Variants in TPO observed in about 807,000 individuals in gnomAD.
The protein encoded by TPO is thyroid peroxidase.
TPO carries 78 observed loss-of-function variants against 96.9 expected under a neutral mutation model. The ratio of observed to expected loss-of-function variants is 0.81; its 90% CI spans 0.67 to 0.97. The LOEUF is 0.97. Among genes scored for constraint, TPO ranks in the 50% least tolerant of loss-of-function variants. The pLI, the probability that TPO is intolerant of heterozygous loss-of-function variation, is 0.00. For synonymous variants in TPO, 547 were observed against 538.0 expected (o/e 1.02, Z -0.23); for missense variants, 1,252 against 1,274.8 (o/e 0.98, Z 0.27).
chr2:1,425,701 G>A (rs778311283), intron 3 of TPO, among the ~76,000 whole-genome samples: 11 of 151,948 alleles, frequency 7.2e-5, no homozygotes, highest in African/African-American at 2.7e-4. Flanking sequence ...ACAGAGATGA[G>A]TTATATCATT....
chr2:1,379,018 T>C (rs896750409), intron 1 of TPO, among the ~76,000 whole-genome samples: 1 of 152,044 alleles, frequency 6.6e-6, no homozygotes, highest in African/African-American at 2.4e-5. Context: ...CAAATAAACT[T>C]AGATTTGTTT....
chr2:1,440,372 G>T (rs1666046916), intron 5 of TPO, among the ~76,000 whole-genome samples: 1 of 138,960 alleles, frequency 7.2e-6, no homozygotes, highest in Non-Finnish European at 1.5e-5. Context: ...GGATGGCAGG[G>T]TTTCTAAGGC....
At chr2:1,527,709 C>T (rs1442630724) in intron 15 of TPO, among the ~76,000 whole-genome samples, 1 of 145,376 alleles carries the variant, frequency 6.9e-6, no homozygotes, top group African/African-American at 2.6e-5. Context: ...CACACAAAAT[C>T]CCGCCACTGT....
chr2:1,503,637 G>A, intron 13 of TPO: 2 of 507,018 alleles, frequency 3.9e-6, no homozygotes, highest in South Asian at 3.6e-5. Flanking sequence ...TCCTGCACTT[G>A]GCCAAATTCC....
intron 3 of TPO, among the ~76,000 whole-genome samples, chr2:1,430,795 G>A (rs766366280): frequency 3.9e-4 from 58 of 150,444 alleles, no homozygotes; most frequent in Non-Finnish European, 7.3e-4. Context: ...CTGGTGTGGG[G>A]CCTATCAAGC....
chr2:1,467,801 T>C (rs1215530079), intron 7 of TPO, among the ~76,000 whole-genome samples: 1 of 151,690 alleles, frequency 6.6e-6, no homozygotes, highest in Non-Finnish European at 1.5e-5. Flanking sequence ...AGTCCCCCAC[T>C]ATTACTGTGT....
intron 2 of TPO, among the ~76,000 whole-genome samples, chr2:1,421,550 G>A (rs1339550995): frequency 6.6e-6 from 1 of 152,180 alleles, no homozygotes; most frequent in African/African-American, 2.4e-5. Context: ...TGGGGGGCGG[G>A]GCTGGTTACT....
At chr2:1,429,434 C>T (rs4927575) in intron 3 of TPO, among the ~76,000 whole-genome samples, 81,264 of 152,040 alleles carry the variant, frequency 0.53, 21,909 homozygotes, top group East Asian at 0.7. Flanking sequence ...ACACAGAAAA[C>T]TGGTACTGAG....
intron 1 of TPO, among the ~76,000 whole-genome samples, chr2:1,375,581 T>C (rs1661710571): frequency 6.6e-6 from 1 of 151,988 alleles, no homozygotes; most frequent in Non-Finnish European, 1.5e-5. Flanking sequence ...AATCCACGTT[T>C]TACACACGAT....
At chr2:1,477,926 C>T (rs1670141867) in intron 8 of TPO, 2 of 985,262 alleles carry the variant, frequency 2.0e-6, no homozygotes, top group African/African-American at 1.7e-5. Context: ...ACCCAACAAC[C>T]ACAGCCCCAC....
chr2:1,484,640 G>C lies in TPO; in HGVS notation c.1383G>C (p.Glu461Asp), dbSNP rs1558344051. ...ACATCCCCAGGATCCTGGGACCCGAGGCCTTCCAGCAGTACGTGGGTCCCT... is the reference window on the plus strand; with the variant it reads ...ACATCCCCAGGATCCTGGGACCCGACGCCTTCCAGCAGTACGTGGGTCCCT... Reference protein sequence around the residue: ...RDYIPRILGPEAFQQYVGPYE... With the variant: ...RDYIPRILGPDAFQQYVGPYE... Residue 461 changes from glutamate to aspartate, a missense_variant, in exon 9 of 17, where the codon GAG becomes GAC. Coordinates refer to ENST00000329066, the MANE Select transcript of TPO (RefSeq NM_001206744.2). 6.2e-7 allele frequency: 1 copy of C among 1,614,050 alleles called. No homozygotes were observed. The highest frequency in any genetic ancestry group is 8.5e-7 in the Non-Finnish European group (1 of 1,180,056).
At chr2:1,521,618 G>T (rs779495210) in intron 15 of TPO, among the ~76,000 whole-genome samples, 2 of 152,150 alleles carry the variant, frequency 1.3e-5, no homozygotes, top group Non-Finnish European at 2.9e-5. Flanking sequence ...TCTTCAGGAC[G>T]TCATTAGGGA....
At chr2:1,437,446 T>C (rs1159073747) in intron 5 of TPO, among the ~76,000 whole-genome samples, 1 of 104,144 alleles carries the variant, frequency 9.6e-6, no homozygotes, top group Non-Finnish European at 2.6e-5. Context: ...AGAAGGAAGA[T>C]GCCCCCCCCG....
intron 15 of TPO, among the ~76,000 whole-genome samples, chr2:1,532,956 C>A (rs1678659834): frequency 1.7e-5 from 2 of 115,534 alleles, no homozygotes; most frequent in Non-Finnish European, 3.5e-5. Flanking sequence ...CTCCTCAAAT[C>A]CCCCCACTGT....
chr2:1,543,648 A>G lies in TPO; in HGVS notation c.*1174A>G, dbSNP rs1044292870. 6 of 150,754 alleles carry G rather than the reference A, an allele frequency of 4.0e-5. No individual in the cohort carries two copies. The highest frequency in any genetic ancestry group is 1.5e-4 in the African/African-American group (6 of 41,296). The allele number at this position is 150,754 out of a possible 1,614,324, so 9.3% of individuals were successfully genotyped here. A position where few individuals can be genotyped will look rare whatever the true frequency, so the allele number is the denominator to read the frequency against. On this transcript the variant is annotated 3_prime_UTR_variant, in exon 17 of 17. Transcript: ENST00000329066. Reference sequence around the variant, plus strand: ...TTGTTCATGTAAAACTCATGATTTCATAATTAAAACAATATTAAAATAAAA... The same window carrying G: ...TTGTTCATGTAAAACTCATGATTTCGTAATTAAAACAATATTAAAATAAAA...
At chr2:1,493,753 C>CAA in intron 10 of TPO, 49 bp from the exon 11 acceptor site, 1 of 1,609,110 alleles carries the variant, frequency 6.2e-7, no homozygotes, top group Non-Finnish European at 8.5e-7. Context: ...ATGGGCTGAA[C>CAA]AAAAGTTCAG....
At chr2:1,422,931 C>T (rs1262334876) in intron 2 of TPO, 114 bp from the exon 3 acceptor site, 13 of 1,175,372 alleles carry the variant, frequency 1.1e-5, no homozygotes, top group South Asian at 1.3e-5. Flanking sequence ...CCTGCCTGTC[C>T]CGGAAGCCAC....
chr2:1,540,878 A>G, intron 16 of TPO, 155 bp downstream of exon 16: 2 of 1,549,100 alleles, frequency 1.3e-6, no homozygotes, highest in Non-Finnish European at 1.7e-6. Flanking sequence ...TTTTATTTAC[A>G]AGCTAATGAC....
chr2:1,526,998 T>A (rs1469904370), intron 15 of TPO, among the ~76,000 whole-genome samples: 8 of 111,528 alleles, frequency 7.2e-5, no homozygotes, highest in Admixed American at 2.8e-4. Context: ...GTGTGCAACC[T>A]CCTCAAATCC....
Sources: gnomAD v4.1 joint callset for allele counts (sites outside exome capture counted in the v4.1 genomes callset) on GRCh38, gnomAD v4.1.1 for gene constraint, MANE v1.5 for transcripts, NCBI Gene and HGNC (gene_info 2026-07-23, HGNC 2026-07-21) for gene names.